PCDH7: variants seen among roughly 807,000 people sequenced by gnomAD.
PCDH7 encodes protocadherin 7, also known as protocadherin-7.
Under a neutral mutation model 58.9 loss-of-function variants are expected in PCDH7, and 17 were observed. The ratio of observed to expected loss-of-function variants is 0.29; its 90% CI spans 0.20 to 0.43. The LOEUF (loss-of-function observed/expected upper bound fraction) is 0.43. Among genes scored for constraint, PCDH7 ranks in the 20% least tolerant of loss-of-function variants. PCDH7 has a pLI of 1.00. For missense variants in PCDH7, 1,274 were observed against 1,441.0 expected (o/e 0.88, Z 1.88); for synonymous variants, 664 against 616.4 (o/e 1.08, Z -1.14).
chr4:31,083,949 G>A (rs72619201), intron 3 of PCDH7, among the ~76,000 whole-genome samples: 36,300 of 152,100 alleles, frequency 0.24, 4,609 homozygotes, highest in Admixed American at 0.32. Flanking sequence ...TAGAAATTAA[G>A]TGATAGTAAA....
chr4:31,091,066 T>C (rs1429230125), intron 3 of PCDH7, among the ~76,000 whole-genome samples: 1 of 152,010 alleles, frequency 6.6e-6, no homozygotes, highest in African/African-American at 2.4e-5. Context: ...TCTAGCCCAG[T>C]TCATTTTTTA....
chr4:30,894,481 A>T (rs1560476515), intron 1 of PCDH7, among the ~76,000 whole-genome samples: 3 of 57,024 alleles, frequency 5.3e-5, no homozygotes, highest in Non-Finnish European at 6.8e-5. Flanking sequence ...AAAAAAAAAA[A>T]AAAAAAAAAA....
chr4:31,083,745 TCTGAGCCCTTGACCTTGTCAAAG>T (rs996254122), intron 3 of PCDH7, among the ~76,000 whole-genome samples: 1 of 152,216 alleles, frequency 6.6e-6, no homozygotes, highest in Non-Finnish European at 1.5e-5. Context: ...GGACAGAATA[TCTGAGCCCTTGACCTTGTCAAAG>T]CAGTCAGATG....
chr4:30,940,852 C>A (rs1578362923), intron 2 of PCDH7, among the ~76,000 whole-genome samples: 1 of 151,946 alleles, frequency 6.6e-6, no homozygotes, highest in Non-Finnish European at 1.5e-5. Flanking sequence ...CTCGCTCCTG[C>A]AGTTTTATCT....
In PCDH7 at chr4:30,833,139, A is replaced by G. The variant is rs537360498; in HGVS notation, c.71-87014A>G. Among the ~76,000 whole-genome samples, 12 of 152,306 alleles carry G rather than the reference A, an allele frequency of 7.9e-5. No homozygotes were observed. In the East Asian group the frequency reaches 2.1e-3, roughly 27 times the overall value. Reference sequence around the variant, plus strand: ...TGTGTGTGCATGCATGTGGGTACACATGCTATGTCTGTAGACATTATAGTA... The same window carrying G: ...TGTGTGTGCATGCATGTGGGTACACGTGCTATGTCTGTAGACATTATAGTA... On this transcript the variant is annotated intron_variant, in intron 1 of 3. Transcript: ENST00000509759.
chr4:31,006,099 G>T (rs1299089709), intron 3 of PCDH7, among the ~76,000 whole-genome samples: 1 of 152,108 alleles, frequency 6.6e-6, no homozygotes, highest in African/African-American at 2.4e-5. Flanking sequence ...ATAAATTTTG[G>T]CTACTGTTGT....
At chr4:30,858,653 AAG>A (rs1320633785) in intron 1 of PCDH7, among the ~76,000 whole-genome samples, 1 of 152,176 alleles carries the variant, frequency 6.6e-6, no homozygotes, top group African/African-American at 2.4e-5. Flanking sequence ...CTCTGTAGCA[AAG>A]AGAGAGTCTG....
intron 3 of PCDH7, among the ~76,000 whole-genome samples, chr4:31,060,668 C>T (rs1360650098): frequency 3.3e-5 from 5 of 151,742 alleles, no homozygotes; most frequent in Non-Finnish European, 7.4e-5. Flanking sequence ...TCAATTTCAA[C>T]ATATATGAAG....
intron 2 of PCDH7, among the ~76,000 whole-genome samples, chr4:30,946,331 T>A (rs766822600): frequency 3.3e-5 from 5 of 152,122 alleles, no homozygotes; most frequent in Non-Finnish European, 5.9e-5. Flanking sequence ...CTGTAATATA[T>A]TAACATATTG....
At chr4:30,877,217 A>G (rs1047265736) in intron 1 of PCDH7, among the ~76,000 whole-genome samples, 20 of 152,162 alleles carry the variant, frequency 1.3e-4, no homozygotes, top group African/African-American at 4.8e-4. Flanking sequence ...AAAGAAAACA[A>G]AAGCTAGACA....
rs547719522 is a variant in PCDH7 at position 30,942,004 on chromosome 4, G to A, written c.288-8116G>A. Among the ~76,000 whole-genome samples, 27 of 151,848 alleles carry A rather than the reference G, an allele frequency of 1.8e-4. No individual in the cohort carries two copies. In the East Asian group the frequency reaches 4.1e-3, roughly 23 times the overall value. On this transcript the variant is annotated intron_variant, in intron 2 of 3. Transcript: ENST00000509759. ...TTGTAACACATTGGGTGAGGTGGAG[G>A]CCTGTATTTATTTATTTATTTAATA...
At chr4:30,914,814 T>A (rs1286522711) in intron 1 of PCDH7, among the ~76,000 whole-genome samples, 1 of 152,184 alleles carries the variant, frequency 6.6e-6, no homozygotes, top group Non-Finnish European at 1.5e-5. Flanking sequence ...TTGTCTCCAT[T>A]ATACATACCC....
intron 3 of PCDH7, among the ~76,000 whole-genome samples, chr4:30,991,051 T>C (rs1446815997): frequency 6.6e-6 from 1 of 152,150 alleles, no homozygotes; most frequent in Non-Finnish European, 1.5e-5. Context: ...CACTGCTTTG[T>C]CCACTTCTTC....
intron 3 of PCDH7, among the ~76,000 whole-genome samples, chr4:31,044,600 T>C (rs752193936): frequency 2.0e-5 from 3 of 151,986 alleles, no homozygotes; most frequent in Non-Finnish European, 4.4e-5. Flanking sequence ...ATAATAATGA[T>C]TTAATATATG....
At chr4:30,778,317 T>C (rs1252026101) in intron 1 of PCDH7, among the ~76,000 whole-genome samples, 2 of 152,158 alleles carry the variant, frequency 1.3e-5, no homozygotes, top group African/African-American at 4.8e-5. Context: ...AAATAATCTT[T>C]TTTTTGTTCT....
chr4:30,965,271 G>A lies in PCDH7; in HGVS notation c.*7+15056G>A, dbSNP rs1455383423. Among the ~76,000 whole-genome samples, 6 of 151,802 alleles carry A rather than the reference G, an allele frequency of 4.0e-5. No individual in the cohort carries two copies. In the East Asian group the frequency reaches 1.2e-3, roughly 29 times the overall value. ...ATGTTTACATCCTGACTCACAACTG[G>A]GAGATAAAGCAATTTGGATCAAGCA... On this transcript the variant is annotated intron_variant, in intron 3 of 3. Coordinates refer to the PCDH7 transcript ENST00000509759.
chr4:30,856,741 A>G (rs1353741139), intron 1 of PCDH7, among the ~76,000 whole-genome samples: 1 of 151,388 alleles, frequency 6.6e-6, no homozygotes, highest in African/African-American at 2.4e-5. Flanking sequence ...AAACAAGTGT[A>G]AGCCAGAACT....
chr4:31,112,709 A>G (rs1367822418), intron 3 of PCDH7, among the ~76,000 whole-genome samples: 2 of 152,210 alleles, frequency 1.3e-5, no homozygotes, highest in African/African-American at 4.8e-5. Flanking sequence ...CAACTGGAAT[A>G]GAATTACAAT....
Position 30,851,811 on chromosome 4 carries a change from G to A in PCDH7, c.71-68342G>A, listed in dbSNP as rs576929451. ...AATATATTGTCAAGATGGTAAACTC[G>A]ATGGAAAGTGATAATATGAGTCAGT... On this transcript the variant is annotated intron_variant, in intron 1 of 3. Transcript: ENST00000509759. 5.9e-5 allele frequency among the ~76,000 whole-genome samples: 9 copies of A among 151,948 alleles called. No homozygotes were observed. In the South Asian group the frequency reaches 1.0e-3, roughly 18 times the overall value.
Sources: gnomAD v4.1 joint callset for allele counts (sites outside exome capture counted in the v4.1 genomes callset) on GRCh38, gnomAD v4.1.1 for gene constraint, MANE v1.5 for transcripts, NCBI Gene and HGNC (gene_info 2026-07-23, HGNC 2026-07-21) for gene names.